Variants in CABIN1 observed in about 807,000 individuals in gnomAD.
The protein encoded by CABIN1 is calcineurin-binding protein cabin-1.
CABIN1 carries 133 observed loss-of-function variants against 227.7 expected under a neutral mutation model. The ratio of observed to expected loss-of-function variants is 0.58; its 90% CI spans 0.51 to 0.67. The LOEUF is 0.67. Among genes scored for constraint, CABIN1 ranks in the 30% least tolerant of loss-of-function variants. The pLI, the probability that CABIN1 is intolerant of heterozygous loss-of-function variation, is 0.00. For synonymous variants in CABIN1, 1,086 were observed against 1,155.1 expected (o/e 0.94, Z 1.21); for missense variants, 2,408 against 2,852.5 (o/e 0.84, Z 3.55).
At chr22:24,057,869 T>C (rs554992203) in intron 10 of CABIN1, among the ~76,000 whole-genome samples, 2 of 152,360 alleles carry the variant, frequency 1.3e-5, no homozygotes, top group South Asian at 4.1e-4. Context: ...GATTGTTCTT[T>C]GGTTGATGGT....
At chr22:24,012,699 G>T (rs1433399149) in intron 1 of CABIN1, among the ~76,000 whole-genome samples, 1 of 152,200 alleles carries the variant, frequency 6.6e-6, no homozygotes, top group Non-Finnish European at 1.5e-5. Flanking sequence ...CTGAGGAAAT[G>T]CAGCTGCTGG....
intron 20 of CABIN1, 127 bp downstream of exon 20, chr22:24,083,516 G>A: frequency 9.9e-7 from 1 of 1,013,976 alleles, no homozygotes; most frequent in South Asian, 1.4e-5. Flanking sequence ...GAGGAGAGAA[G>A]ACGGTCTGAT....
At position 24,059,952 on chromosome 22, in the gene CABIN1, G is replaced by C; in HGVS notation, c.1428G>C (p.Leu476=). ...SEKQDVHEFL[L]ENLTNGGILE... is the part of the protein sequence containing the mutation. Reference sequence around the variant, plus strand: ...AGCAGGACGTGCATGAGTTCCTGCTGGAGAACCTAACCAACGGGGGCATCC... The same window carrying C: ...AGCAGGACGTGCATGAGTTCCTGCTCGAGAACCTAACCAACGGGGGCATCC... Residue 476 remains leucine, a synonymous_variant, in exon 12 of 37, where the codon CTG becomes CTC. Transcript: ENST00000263119. 2.5e-6 allele frequency: 4 copies of C among 1,614,214 alleles called. No homozygotes were observed. Among genetic ancestry groups the C allele is most frequent in the Non-Finnish European group, 3.4e-6 (4 of 1,180,036 alleles).
intron 27 of CABIN1, among the ~76,000 whole-genome samples, chr22:24,118,266 G>A (rs1412499718): frequency 6.6e-6 from 1 of 152,106 alleles, no homozygotes; most frequent in Non-Finnish European, 1.5e-5. Context: ...GGGAGGGAAG[G>A]TCAGACTAAT....
At chr22:24,017,101 A>G (rs2035354898) in intron 1 of CABIN1, among the ~76,000 whole-genome samples, 2 of 139,608 alleles carry the variant, frequency 1.4e-5, no homozygotes, top group African/African-American at 5.5e-5. Flanking sequence ...CAATGGCGCG[A>G]TCTCGGCTCA....
chr22:24,097,935 C>T, intron 25 of CABIN1, 79 bp from the exon 26 acceptor site: 6 of 1,548,924 alleles, frequency 3.9e-6, no homozygotes, highest in Non-Finnish European at 5.4e-6. Context: ...CTGGGAAGGG[C>T]ATTCACCCTT....
At chr22:24,129,585 T>C (rs1371440083) in intron 28 of CABIN1, among the ~76,000 whole-genome samples, 1 of 152,248 alleles carries the variant, frequency 6.6e-6, no homozygotes, top group African/African-American at 2.4e-5. Flanking sequence ...ATTGCACCCT[T>C]TTCTGTGAGC....
intron 26 of CABIN1, among the ~76,000 whole-genome samples, chr22:24,106,198 G>A (rs1024288042): frequency 2.0e-5 from 3 of 152,242 alleles, no homozygotes; most frequent in Non-Finnish European, 4.4e-5. Flanking sequence ...TGATGGATGG[G>A]GGTCCTACCC....
At chr22:24,129,308 A>G (rs149955900) in intron 28 of CABIN1, among the ~76,000 whole-genome samples, 59 of 152,316 alleles carry the variant, frequency 3.9e-4, no homozygotes, top group Non-Finnish European at 6.0e-4. Flanking sequence ...AGTCAGCCCA[A>G]TGTGTGCTGT....
At chr22:24,058,979 A>T (rs2039000548) in intron 10 of CABIN1, among the ~76,000 whole-genome samples, 1 of 152,252 alleles carries the variant, frequency 6.6e-6, no homozygotes, top group Admixed American at 6.5e-5. Flanking sequence ...AGTGCCTGGC[A>T]CATAGCTGGT....
chr22:24,175,320 C>T (rs573936281), intron 34 of CABIN1, among the ~76,000 whole-genome samples: 11 of 152,306 alleles, frequency 7.2e-5, no homozygotes, highest in Admixed American at 2.0e-4. Context: ...AGCTTTGTAC[C>T]GGGAGCTGTC....
At chr22:24,047,126 G>A (rs1355752474) in intron 6 of CABIN1, among the ~76,000 whole-genome samples, 2 of 152,204 alleles carry the variant, frequency 1.3e-5, no homozygotes, top group Non-Finnish European at 2.9e-5. Flanking sequence ...GTCTGGATAT[G>A]CTGTAGCCCA....
chr22:24,176,005 C>A, intron 34 of CABIN1, 106 bp from the exon 35 acceptor site: 1 of 1,323,838 alleles, frequency 7.6e-7, no homozygotes, highest in Non-Finnish European at 1.1e-6. Flanking sequence ...CACTCCCCTG[C>A]CCAGTGTCCC....
intron 29 of CABIN1, among the ~76,000 whole-genome samples, chr22:24,155,506 TG>T (rs1273489180): frequency 6.6e-6 from 1 of 152,180 alleles, no homozygotes; most frequent in Non-Finnish European, 1.5e-5. Flanking sequence ...CCCTTCCAGC[TG>T]TAAAACCCAC....
chr22:24,096,216 C>A, intron 25 of CABIN1, 134 bp downstream of exon 25: 1 of 1,037,996 alleles, frequency 9.6e-7, no homozygotes, highest in Non-Finnish European at 1.5e-6. Context: ...GTCCCTAGGA[C>A]CCATCTGGAA....
chr22:24,084,633 A>G lies in CABIN1; in HGVS notation c.2965A>G (p.Thr989Ala). The G allele has an allele frequency of 6.2e-7, 1 of 1,613,560 alleles. No individual in the cohort carries two copies. The highest frequency in any genetic ancestry group is 2.2e-5 in the East Asian group (1 of 44,852). ...CATGTTTGAGTATTTTAAGCCCAAG[A>G]CCCTTCCTGAATTTGACAGCTATAA... is the stretch of plus-strand genomic sequence containing the variant. ...LFMFEYFKPK[T>A]LPEFDSYKTS... is the part of the protein sequence containing the mutation. Residue 989 changes from threonine (T) to alanine (A), a missense_variant, in exon 21 of 37, where the codon ACC becomes GCC. Physicochemically the swap from Thr to Ala is moderately conservative, Grantham distance 58. Coordinates refer to ENST00000263119, the MANE Select transcript of CABIN1 (RefSeq NM_012295.4).
chr22:24,028,140 C>A (rs574396723), intron 1 of CABIN1, among the ~76,000 whole-genome samples: 1 of 152,306 alleles, frequency 6.6e-6, no homozygotes, highest in East Asian at 1.9e-4. Flanking sequence ...AAAAAATGTA[C>A]ATACCTTAGT....
intron 23 of CABIN1, among the ~76,000 whole-genome samples, chr22:24,088,660 A>G (rs2041339099): frequency 6.6e-6 from 1 of 152,078 alleles, no homozygotes; most frequent in African/African-American, 2.4e-5. Flanking sequence ...TCTCTAAATC[A>G]GTTGCAGTAT....
chr22:24,175,828 C>T (rs900892833), intron 34 of CABIN1: 12 of 542,608 alleles, frequency 2.2e-5, no homozygotes, highest in African/African-American at 3.8e-5. Context: ...GGCTGGGCCT[C>T]GAAGACTCAG....
Sources: allele counts gnomAD v4.1 joint callset (sites outside exome capture counted in the v4.1 genomes callset), GRCh38; gene constraint gnomAD v4.1.1; transcripts MANE v1.5; gene names NCBI Gene and HGNC (gene_info 2026-07-23, HGNC 2026-07-21).